The following PPM1E variants were observed in gnomAD, a reference collection of about 807,000 sequenced individuals.
PPM1E encodes protein phosphatase, Mg2+/Mn2+ dependent 1E.
Under a neutral mutation model 65.9 loss-of-function variants are expected in PPM1E, and 20 were observed. The observed-to-expected ratio is 0.30, with a 90% CI of 0.21 to 0.44. PPM1E has a LOEUF of 0.44. Among genes scored for constraint, PPM1E ranks in the 20% least tolerant of loss-of-function variants. The pLI, the probability that PPM1E is intolerant of heterozygous loss-of-function variation, is 1.00. For synonymous variants in PPM1E, 352 were observed against 374.9 expected (o/e 0.94, Z 0.70); for missense variants, 713 against 953.1 (o/e 0.75, Z 3.32).
chr17:58,841,453 G>A (rs2050716537), intron 1 of PPM1E, among the ~76,000 whole-genome samples: 1 of 151,870 alleles, frequency 6.6e-6, no homozygotes. Context: ...ATGAAAAATG[G>A]CACTTTATCT....
intron 3 of PPM1E, among the ~76,000 whole-genome samples, chr17:58,966,995 A>G (rs902458246): frequency 1.3e-5 from 2 of 152,206 alleles, no homozygotes; most frequent in Non-Finnish European, 2.9e-5. Context: ...AACAATCCTT[A>G]TATCACTATA....
intron 1 of PPM1E, among the ~76,000 whole-genome samples, chr17:58,879,183 A>G (rs1366393286): frequency 6.6e-6 from 1 of 151,942 alleles, no homozygotes; most frequent in Non-Finnish European, 1.5e-5. Context: ...CAAAATGTAC[A>G]TCACAGCGTT....
intron 2 of PPM1E, among the ~76,000 whole-genome samples, chr17:58,964,563 G>C (rs1462621256): frequency 6.6e-6 from 1 of 152,118 alleles, no homozygotes; most frequent in Non-Finnish European, 1.5e-5. Context: ...GGTAGGTTTA[G>C]GGTCAAGAGA....
chr17:58,878,362 C>A (rs1378909667), intron 1 of PPM1E, among the ~76,000 whole-genome samples: 1 of 151,954 alleles, frequency 6.6e-6, no homozygotes, highest in Non-Finnish European at 1.5e-5. Context: ...CCTGCCTCAG[C>A]CTCCCGAGTA....
At chr17:58,769,530 G>A (rs2049915795) in intron 1 of PPM1E, among the ~76,000 whole-genome samples, 1 of 152,108 alleles carries the variant, frequency 6.6e-6, no homozygotes, top group Non-Finnish European at 1.5e-5. Flanking sequence ...CTGGGAGGCT[G>A]CCCTGAGCCC....
intron 1 of PPM1E, among the ~76,000 whole-genome samples, chr17:58,860,660 T>TATAA (rs751335418): frequency 6.6e-6 from 1 of 152,218 alleles, no homozygotes; most frequent in African/African-American, 2.4e-5. Context: ...ATACTCGCTT[T>TATAA]AGGCCGGGTG....
At chr17:58,880,519 TG>T (rs1789743874) in intron 1 of PPM1E, among the ~76,000 whole-genome samples, 1 of 152,196 alleles carries the variant, frequency 6.6e-6, no homozygotes, top group African/African-American at 2.4e-5. Flanking sequence ...CTCCTGAACA[TG>T]TATGTAATCT....
chr17:58,810,556 T>C (rs932849725), intron 1 of PPM1E, among the ~76,000 whole-genome samples: 7 of 152,088 alleles, frequency 4.6e-5, no homozygotes, highest in African/African-American at 7.2e-5. Context: ...ATATATATAT[T>C]TTTGTGATGT....
intron 1 of PPM1E, among the ~76,000 whole-genome samples, chr17:58,762,852 C>A (rs1056301770): frequency 6.7e-6 from 1 of 150,334 alleles, no homozygotes; most frequent in Non-Finnish European, 1.5e-5. Flanking sequence ...GAGCCGAGAT[C>A]CCGCCACTGC....
intron 1 of PPM1E, among the ~76,000 whole-genome samples, chr17:58,865,849 A>T (rs1289991374): frequency 6.6e-6 from 1 of 152,196 alleles, no homozygotes; most frequent in African/African-American, 2.4e-5. Context: ...CAAAGGCATG[A>T]TTGTTAGGTG....
At chr17:58,892,043 C>T (rs2051354023) in intron 1 of PPM1E, among the ~76,000 whole-genome samples, 1 of 151,848 alleles carries the variant, frequency 6.6e-6, no homozygotes, top group Non-Finnish European at 1.5e-5. Context: ...GCCATGTTGG[C>T]CAGGCTGGTC....
At chr17:58,969,881 A>C in intron 4 of PPM1E, among the ~76,000 whole-genome samples, 154 bp downstream of exon 4, 1 of 152,232 alleles carries the variant, frequency 6.6e-6, no homozygotes, top group East Asian at 1.9e-4. Flanking sequence ...TTGTAGTTCC[A>C]ATTCCCTCCT....
chr17:58,796,405 C>T (rs2050206496), intron 1 of PPM1E, among the ~76,000 whole-genome samples: 1 of 151,938 alleles, frequency 6.6e-6, no homozygotes, highest in South Asian at 2.1e-4. Flanking sequence ...TCAGTAGCTG[C>T]GACTACAGGC....
chr17:58,822,855 A>G (rs769471350), intron 1 of PPM1E, among the ~76,000 whole-genome samples: 1 of 152,200 alleles, frequency 6.6e-6, no homozygotes, highest in Non-Finnish European at 1.5e-5. Context: ...TTGCTGTTGG[A>G]GAGAGAATAG....
intron 1 of PPM1E, among the ~76,000 whole-genome samples, chr17:58,781,745 G>C (rs2050051839): frequency 6.6e-6 from 1 of 151,854 alleles, no homozygotes; most frequent in African/African-American, 2.4e-5. Flanking sequence ...CATTAGCTGG[G>C]CATGGTGGTG....
At position 58,971,598 on chromosome 17, in the gene PPM1E, A is replaced by C. The variant is rs565807255; in HGVS notation, c.973-534A>C. ...AGCATCTTAGTACTCCAGGGAACGT[A>C]AGCTGTCTCTTGGCCCCTTAGCTTA... On this transcript the variant is annotated intron_variant, in intron 4 of 6. Transcript: ENST00000308249. 3.3e-5 allele frequency among the ~76,000 whole-genome samples: 5 copies of C among 152,326 alleles called. No individual in the cohort carries two copies. In the South Asian group the frequency reaches 1.0e-3, roughly 32 times the overall value.
chr17:58,970,429 G>A (rs1017617263), intron 4 of PPM1E, among the ~76,000 whole-genome samples: 11 of 152,082 alleles, frequency 7.2e-5, no homozygotes, highest in South Asian at 4.2e-4. Flanking sequence ...AACTGGGGAC[G>A]AATAAAAGAA....
intron 1 of PPM1E, among the ~76,000 whole-genome samples, chr17:58,840,656 G>C (rs868693844): frequency 1.3e-5 from 2 of 152,128 alleles, no homozygotes; most frequent in Non-Finnish European, 1.5e-5. Flanking sequence ...AGATCACTGT[G>C]AGAGGTATGT....
chr17:58,950,483 G>A (rs2052220753), intron 1 of PPM1E, among the ~76,000 whole-genome samples: 1 of 152,144 alleles, frequency 6.6e-6, no homozygotes, highest in African/African-American at 2.4e-5. Context: ...GACCTACGAA[G>A]TTTTCAGTTA....
Sources: gnomAD v4.1 joint callset for allele counts (sites outside exome capture counted in the v4.1 genomes callset) on GRCh38, gnomAD v4.1.1 for gene constraint, MANE v1.5 for transcripts, NCBI Gene and HGNC (gene_info 2026-07-23, HGNC 2026-07-21) for gene names.